Variants in DOT1L observed in about 807,000 individuals in gnomAD.
DOT1L encodes the protein DOT1 like histone lysine methyltransferase, also known as histone-lysine N-methyltransferase, H3 lysine-79 specific.
DOT1L carries 33 observed loss-of-function variants against 153.3 expected under a neutral mutation model. The ratio of observed to expected loss-of-function variants is 0.22; its 90% CI spans 0.16 to 0.29. The LOEUF (loss-of-function observed/expected upper bound fraction) is 0.29, where lower values mean the gene tolerates loss of function less well. Ranked by LOEUF, DOT1L falls within the 10% of genes least tolerant of loss-of-function variation. The pLI, the probability that DOT1L is intolerant of heterozygous loss-of-function variation, is 1.00. For missense variants in DOT1L, 1,847 were observed against 2,119.9 expected (o/e 0.87, Z 2.53); for synonymous variants, 1,135 against 965.1 (o/e 1.18, Z -3.26).
intron 15 of DOT1L, 43 bp downstream of exon 15, chr19:2,211,255 G>A: frequency 2.0e-6 from 3 of 1,524,438 alleles, no homozygotes; most frequent in Non-Finnish European, 2.7e-6. Context: ...CTGGGCTTGG[G>A]GTCATCCCAG....
intron 1 of DOT1L, among the ~76,000 whole-genome samples, chr19:2,168,645 C>G (rs996491871): frequency 1.3e-5 from 2 of 152,140 alleles, no homozygotes; most frequent in Admixed American, 1.3e-4. Context: ...GAGGGAATCT[C>G]GTACTGTTGC....
chr19:2,167,166 C>T (rs1478907426), intron 1 of DOT1L, among the ~76,000 whole-genome samples: 4 of 152,128 alleles, frequency 2.6e-5, no homozygotes, highest in Non-Finnish European at 4.4e-5. Flanking sequence ...ACACCACTGG[C>T]GGGATTTTTG....
At chr19:2,212,096 A>G (rs989579072) in intron 16 of DOT1L, 11 of 449,182 alleles carry the variant, frequency 2.4e-5, no homozygotes, top group African/African-American at 1.6e-4. Context: ...CACCCAGCAC[A>G]GTTTGAACAA....
rs1221277014 is a variant in DOT1L at position 2,214,092 on chromosome 19, TG to T, written c.1797+110del. 23 of 1,479,686 alleles carry T rather than the reference TG, an allele frequency of 1.6e-5. 1 individual carries two copies. The East Asian group carries it at 5.5e-4, about 35-fold the overall frequency. The allele number at this position is 1,479,686 out of a possible 1,614,324, so 91.7% of individuals were successfully genotyped here. On this transcript the variant is annotated intron_variant, in intron 18 of 27. Coordinates refer to ENST00000398665, the MANE Select transcript of DOT1L (RefSeq NM_032482.3). Reference sequence around the variant, plus strand: ...GGCTCTGGAAGGCCCGCCTCTGTTGTGGGGTTTGTTCCCAGACGAATTGCGC... The same window carrying T: ...GGCTCTGGAAGGCCCGCCTCTGTTGTGGGTTTGTTCCCAGACGAATTGCGC...
At position 2,191,958 on chromosome 19, in the gene DOT1L, A is replaced by G. The variant is rs1358632565; in HGVS notation, c.493+718A>G. Among the ~76,000 whole-genome samples the G allele has an allele frequency of 5.3e-5, 8 of 152,182 alleles. No homozygotes were observed. The highest frequency in any genetic ancestry group is 1.0e-4 in the Non-Finnish European group (7 of 68,020). On this transcript the variant is annotated intron_variant, in intron 5 of 27. Coordinates refer to ENST00000398665, the MANE Select transcript of DOT1L (RefSeq NM_032482.3). The surrounding 1 kb of genome is among the most constrained non-coding windows in gnomAD (Gnocchi z 6.8). ...ACAGATGAGCGGCCCGTACACGAACAGCCTCAGTAGCCTGACGAATTCTTG... is the reference window on the plus strand; with the variant it reads ...ACAGATGAGCGGCCCGTACACGAACGGCCTCAGTAGCCTGACGAATTCTTG...
chr19:2,169,754 A>G (rs2020056983), intron 1 of DOT1L, among the ~76,000 whole-genome samples: 1 of 152,206 alleles, frequency 6.6e-6, no homozygotes, highest in East Asian at 1.9e-4. Flanking sequence ...CAGTCCTCAA[A>G]TGTGGCCCAA....
chr19:2,212,208 G>A, intron 16 of DOT1L: 1 of 187,464 alleles, frequency 5.3e-6, no homozygotes. Flanking sequence ...TTCGGCAGGG[G>A]CTGGAGTGCA....
At position 2,225,431 on chromosome 19, in the gene DOT1L, C is replaced by T. The variant is rs1302008529; in HGVS notation, c.3640C>T (p.Pro1214Ser). 1 of 1,614,196 alleles carries T rather than the reference C, an allele frequency of 6.2e-7. No individual in the cohort carries two copies. Among genetic ancestry groups the T allele is most frequent in the Non-Finnish European group, 8.5e-7 (1 of 1,180,024 alleles). ...AACAATCTCCTTAGAAAGCAAATCT[C>T]CCCCGAAAACCTTGGAAAATGGTGA... ...IATISLESKS[P>S]PKTLENGGGL... Residue 1214 changes from proline (P) to serine (S), a missense_variant, in exon 26 of 28, where the codon CCC (proline) becomes TCC (serine). By Grantham distance (74) the Pro-to-Ser change is moderately conservative. This residue lies in a region of DOT1L where 934 missense variants were observed against 825.3 expected (regional missense o/e 1.13). Coordinates refer to ENST00000398665, the MANE Select transcript of DOT1L (RefSeq NM_032482.3).
At chr19:2,219,523 C>G (rs1001055227) in intron 22 of DOT1L, among the ~76,000 whole-genome samples, 1 of 152,182 alleles carries the variant, frequency 6.6e-6, no homozygotes, top group Non-Finnish European at 1.5e-5. Flanking sequence ...TTGATGGACC[C>G]CGGCTTGATT....
chr19:2,213,749 G>C, intron 17 of DOT1L, 100 bp from the exon 18 acceptor site: 3 of 1,601,316 alleles, frequency 1.9e-6, no homozygotes, highest in Non-Finnish European at 2.6e-6. Flanking sequence ...CCTCTGTCCA[G>C]CTGTGTCCCA....
intron 22 of DOT1L, among the ~76,000 whole-genome samples, chr19:2,219,708 C>T (rs1269322658): frequency 3.3e-5 from 5 of 152,262 alleles, no homozygotes; most frequent in East Asian, 3.9e-4. Context: ...GGGTGGTGGC[C>T]GGCAGGTGTG....
intron 22 of DOT1L, among the ~76,000 whole-genome samples, 173 bp from the exon 23 acceptor site, chr19:2,219,935 C>A (rs1317969587): frequency 6.6e-6 from 1 of 152,198 alleles, no homozygotes; most frequent in East Asian, 1.9e-4. Context: ...CTGCGCCACT[C>A]GCCTGGGGCC....
chr19:2,167,758 CAG>C (rs1172915289), intron 1 of DOT1L, among the ~76,000 whole-genome samples: 1 of 137,994 alleles, frequency 7.2e-6, no homozygotes, highest in Non-Finnish European at 1.5e-5. Context: ...TTTTTTGAGA[CAG>C]AGTCTTGCTC....
intron 7 of DOT1L, among the ~76,000 whole-genome samples, chr19:2,196,064 C>T (rs1029168607): frequency 1.3e-5 from 2 of 152,260 alleles, no homozygotes; most frequent in African/African-American, 2.4e-5. Context: ...GGGCCTTCCT[C>T]GGATCGCCGT....
At chr19:2,227,477 A>G in intron 27 of DOT1L, 1 of 544,812 alleles carries the variant, frequency 1.8e-6, no homozygotes, top group Non-Finnish European at 3.5e-6. Context: ...GGTAAGAGCG[A>G]GTCCCCGCAG....
Position 2,211,735 on chromosome 19 carries a change from C to T in DOT1L, c.1466-16C>T. The stretch of plus-strand genomic sequence containing the variant: ...CAGCTGCTCTCTTCTCACCTGTGTT[C>T]CGCCTCTCTTCCCAGAGTCCTTCAA... On this transcript the variant is annotated splice_polypyrimidine_tract_variant and intron_variant, in intron 15 of 27. Coordinates refer to ENST00000398665, the MANE Select transcript of DOT1L (RefSeq NM_032482.3). The T allele has an allele frequency of 6.4e-7, 1 of 1,552,144 alleles. No homozygotes were observed. The highest frequency in any genetic ancestry group is 8.7e-7 in the Non-Finnish European group (1 of 1,146,382).
intron 19 of DOT1L, among the ~76,000 whole-genome samples, chr19:2,214,986 C>A (rs769192042): frequency 6.6e-6 from 1 of 152,114 alleles, no homozygotes; most frequent in Non-Finnish European, 1.5e-5. Flanking sequence ...GAGGCTGAGG[C>A]GGGCAGATCA....
chr19:2,186,688 T>C (rs920490533), intron 3 of DOT1L, among the ~76,000 whole-genome samples: 2 of 152,156 alleles, frequency 1.3e-5, no homozygotes, highest in Non-Finnish European at 2.9e-5. Context: ...AACCTCGAGA[T>C]CCTGTGCCCC....
At chr19:2,170,695 G>A (rs1036079726) in intron 1 of DOT1L, among the ~76,000 whole-genome samples, 3 of 152,098 alleles carry the variant, frequency 2.0e-5, no homozygotes, top group African/African-American at 4.8e-5. Flanking sequence ...CCAGGTTCCC[G>A]TCACCCTTAC....
Sources: gnomAD v4.1 joint callset for allele counts (sites outside exome capture counted in the v4.1 genomes callset) on GRCh38, gnomAD v4.1.1 for gene constraint, gnomAD v4.1.1 regional missense constraint, Gnocchi (gnomAD v3.1) non-coding constraint, MANE v1.5 for transcripts, NCBI Gene and HGNC (gene_info 2026-07-23, HGNC 2026-07-21) for gene names.